TRIM49C: variants seen among roughly 807,000 people sequenced by gnomAD.
TRIM49C encodes tripartite motif containing 49C, also known as tripartite motif-containing protein 49C.
TRIM49C carries 6 observed loss-of-function variants against 21.4 expected under a neutral mutation model. The ratio of observed to expected loss-of-function variants is 0.28; its 90% CI spans 0.15 to 0.55. TRIM49C has a LOEUF of 0.55. Among genes scored for constraint, TRIM49C ranks in the 20% least tolerant of loss-of-function variants. The pLI, the probability that TRIM49C is intolerant of heterozygous loss-of-function variation, is 0.94. For synonymous variants in TRIM49C, 57 were observed against 148.1 expected (o/e 0.38, Z 4.47); for missense variants, 161 against 442.4 (o/e 0.36, Z 5.71).
At chr11:90,034,625 T>C (rs1203848756) in intron 2 of TRIM49C, among the ~76,000 whole-genome samples, 7 of 124,578 alleles carry the variant, frequency 5.6e-5, no homozygotes, top group Non-Finnish European at 9.9e-5. Flanking sequence ...AAATTTTGTT[T>C]TGATTTGGGT....
the TRIM49C span, among the ~76,000 whole-genome samples, chr11:90,065,022 T>C: frequency 7.1e-6 from 1 of 139,904 alleles, no homozygotes; most frequent in Middle Eastern, 3.5e-3. Flanking sequence ...GTTACAACCA[T>C]TACTACATGC....
At chr11:90,039,211 G>T (rs1950750690) in intron 6 of TRIM49C, among the ~76,000 whole-genome samples, 1 of 133,164 alleles carries the variant, frequency 7.5e-6, no homozygotes, top group Non-Finnish European at 1.6e-5. Flanking sequence ...GAACCACCGT[G>T]CCCGGCCCCT....
At chr11:90,046,164 C>T (rs1412919397), downstream of TRIM49C, among the ~76,000 whole-genome samples, 17 of 124,788 alleles carry the variant, frequency 1.4e-4, 3 homozygotes, top group African/African-American at 2.6e-4. Flanking sequence ...TTTTGATGTG[C>T]TGCTGGATTC....
chr11:90,048,644 G>T, the TRIM49C span, among the ~76,000 whole-genome samples: 3 of 134,136 alleles, frequency 2.2e-5, no homozygotes, highest in African/African-American at 8.9e-5. Flanking sequence ...TCTCTACCTT[G>T]GTTATTCTAG....
chr11:90,039,285 T>A (rs191761602), intron 6 of TRIM49C, among the ~76,000 whole-genome samples: 6,642 of 127,848 alleles, frequency 0.052, 1,056 homozygotes, highest in Non-Finnish European at 0.067. Flanking sequence ...TTGTGAATGG[T>A]GAGAAAGTCA....
chr11:90,031,904 G>A (rs1449213600), intron 1 of TRIM49C, among the ~76,000 whole-genome samples: 1 of 135,868 alleles, frequency 7.4e-6, no homozygotes, highest in African/African-American at 2.6e-5. Flanking sequence ...GAGACCAGAG[G>A]ACCACTTGAA....
the TRIM49C span, among the ~76,000 whole-genome samples, chr11:90,066,859 C>T: frequency 8.0e-5 from 11 of 137,440 alleles, no homozygotes; most frequent in Middle Eastern, 3.7e-3. Flanking sequence ...CCTCTGCCTC[C>T]GAGGTTCAAG....
Position 90,035,232 on chromosome 11 carries a change from G to C in TRIM49C, c.21G>C (p.Gln7His). 1.9e-6 allele frequency: 3 copies of C among 1,576,694 alleles called. No individual in the cohort carries two copies. The highest frequency in any genetic ancestry group is 1.9e-5 in the Admixed American group (1 of 51,808). The change falls in exon 3 of 8, where the codon CAG (glutamine) becomes CAC (histidine). Residue 7 changes from glutamine (Q) to histidine (H), a missense_variant. Around this residue, in one of 3 missense-constraint regions of TRIM49C, gnomAD observed 80 missense variants for 314.8 expected, o/e 0.25. Transcript: ENST00000448984. ...GAAACATGAATTCTGGAATCTTACA[G>C]GTCTTTCAGGGGGAACTCATCTGCC... MNSGIL[Q>H]VFQGELICPL... is the part of the protein sequence containing the mutation.
At chr11:90,056,276 T>C in the TRIM49C span, among the ~76,000 whole-genome samples, 3 of 136,580 alleles carry the variant, frequency 2.2e-5, 1 homozygote, top group African/African-American at 7.8e-5. Context: ...GATTCTTATT[T>C]AAAGTGTAAA....
At position 90,035,186 on chromosome 11, in the gene TRIM49C, CAT is replaced by C. The variant is rs1469087567; in HGVS notation, c.-4-21_-4-20del. ...TTCATCAACCCAGGCCCCAAAATGA[CAT>C]GTTTCTCTTTGTTCCTCAGAAACAT... On this transcript the variant is annotated intron_variant, in intron 2 of 7. Coordinates refer to ENST00000448984, the MANE Select transcript of TRIM49C (RefSeq NM_001195234.1). The C allele has an allele frequency of 6.3e-7, 1 of 1,594,100 alleles. No individual in the cohort carries two copies. Among genetic ancestry groups the C allele is most frequent in the Non-Finnish European group, 8.5e-7 (1 of 1,172,470 alleles).
chr11:90,055,815 A>G, the TRIM49C span, among the ~76,000 whole-genome samples: 7 of 145,920 alleles, frequency 4.8e-5, no homozygotes, highest in African/African-American at 7.5e-5. Context: ...CAACTCCTAT[A>G]TTGGTACAAA....
intron 4 of TRIM49C, among the ~76,000 whole-genome samples, chr11:90,036,592 A>G (rs1950729008): frequency 7.5e-6 from 1 of 133,978 alleles, no homozygotes; most frequent in African/African-American, 2.7e-5. Context: ...CATAAGGAGA[A>G]CTCTGAGGAC....
At chr11:90,052,857 T>C in the TRIM49C span, 12,809 of 119,630 alleles carry the variant, frequency 0.11, 1,318 homozygotes, top group East Asian at 0.22. Context: ...TTTAGTAAAA[T>C]AACGCAGGGA....
chr11:90,073,210 C>A, the TRIM49C span: 2 of 832,452 alleles, frequency 2.4e-6, 1 homozygote, highest in East Asian at 5.5e-5. Context: ...GTCTCTTGAC[C>A]ACCTCCCCAA....
In TRIM49C at chr11:90,034,228, TCAGCTGATTGGATGGTGC is replaced by T. The variant is rs930018820; in HGVS notation, c.-4-978_-4-961del. On this transcript the variant is annotated intron_variant, in intron 2 of 7. Coordinates refer to ENST00000448984, the MANE Select transcript of TRIM49C (RefSeq NM_001195234.1). ...TGCCTTTTTCTTTATATCTGAGGTG[TCAGCTGATTGGATGGTGC>T]CCACACACATTGAGAGATGAGGCTC... is the stretch of plus-strand genomic sequence containing the variant. 3.3e-4 allele frequency among the ~76,000 whole-genome samples: 37 copies of T among 112,762 alleles called. 7 individuals carry two copies. Among genetic ancestry groups the T allele is most frequent in the Non-Finnish European group, 5.0e-4 (30 of 59,948 alleles). 74.0% of individuals were successfully genotyped at this position (112,762 alleles called of 152,430 possible).
In TRIM49C at chr11:90,031,191, C is replaced by G. The variant is rs1181779812; in HGVS notation, c.-244C>G. On this transcript the variant is annotated 5_prime_UTR_variant, in exon 1 of 8. Coordinates refer to ENST00000448984, the MANE Select transcript of TRIM49C (RefSeq NM_001195234.1). ...ATCCAGCCAGCGGGGGATTTCTTTT[C>G]CTGGTGGACTGTACCCAGGATCTCA... 7.4e-6 allele frequency: 1 copy of G among 134,762 alleles called. No homozygotes were observed. The highest frequency in any genetic ancestry group is 2.7e-5 in the African/African-American group (1 of 37,366). The allele number at this position is 134,762 out of a possible 1,614,324, so 8.3% of individuals were successfully genotyped here.
intron 1 of TRIM49C, among the ~76,000 whole-genome samples, chr11:90,031,831 C>T (rs1307757474): frequency 6.9e-6 from 1 of 143,924 alleles, no homozygotes; most frequent in Non-Finnish European, 1.5e-5. Flanking sequence ...TATAAATGTA[C>T]TAAAGCAGCA....
At chr11:90,042,737 GC>G, downstream of TRIM49C, among the ~76,000 whole-genome samples, 2 of 109,008 alleles carry the variant, frequency 1.8e-5, 1 homozygote, top group Non-Finnish European at 3.6e-5. Context: ...TTTCTTATGG[GC>G]TAGATATTCT....
chr11:90,032,636 A>G (rs530998588), intron 2 of TRIM49C, 54 bp downstream of exon 2: 1 of 127,302 alleles, frequency 7.9e-6, no homozygotes, highest in African/African-American at 4.1e-5. Flanking sequence ...ACAATAATAA[A>G]TTAGAGTGTT....
Sources: gnomAD v4.1 joint callset for allele counts (sites outside exome capture counted in the v4.1 genomes callset) on GRCh38, gnomAD v4.1.1 for gene constraint, gnomAD v4.1.1 regional missense constraint, MANE v1.5 for transcripts, NCBI Gene and HGNC (gene_info 2026-07-23, HGNC 2026-07-21) for gene names.